GABRG1: variants seen among roughly 807,000 people sequenced by gnomAD.
GABRG1 encodes the protein gamma-aminobutyric acid type A receptor subunit gamma1.
GABRG1 carries 49 observed loss-of-function variants against 49.8 expected under a neutral mutation model. The ratio of observed to expected loss-of-function variants is 0.98; its 90% CI spans 0.78 to 1.25. GABRG1 has a LOEUF of 1.25. Ranked by LOEUF, GABRG1 falls within the 50% of genes most tolerant of loss-of-function variation. The pLI, the probability that GABRG1 is intolerant of heterozygous loss-of-function variation, is 0.00. For synonymous variants in GABRG1, 232 were observed against 185.1 expected, an observed-to-expected ratio of 1.25 and a Z score of -2.06; for missense variants, 552 against 552.3, an observed-to-expected ratio of 1.00 and a Z score of 0.01.
chr4:46,059,477 G>T (rs543669002), intron 5 of GABRG1, among the ~76,000 whole-genome samples: 1 of 151,588 alleles, frequency 6.6e-6, no homozygotes. Context: ...AATGTCTGCC[G>T]CCCAGGTTCA....
Position 46,097,312 on chromosome 4 carries a change from T to C in GABRG1, c.142A>G (p.Thr48Ala), listed in dbSNP as rs143037323. Residue 48 changes from threonine (T) to alanine (A), a missense_variant, in exon 2 of 9, where the codon ACG (threonine) becomes GCG (alanine). Thr to Ala is a moderately conservative substitution (Grantham distance 58). Coordinates refer to ENST00000295452, the MANE Select transcript of GABRG1 (RefSeq NM_173536.4). Reference protein sequence around the residue: ...KADDEDDEDLTVNKTWVLAPK... With the variant: ...KADDEDDEDLAVNKTWVLAPK... ...GCCAAGACCCAGGTTTTGTTCACCG[T>C]TAAATCCTCATCATCTTCATCATCT... is the stretch of plus-strand genomic sequence containing the variant. The C allele has an allele frequency of 2.5e-6, 4 of 1,610,144 alleles. No homozygotes were observed. Among genetic ancestry groups the C allele is most frequent in the African/African-American group, 2.7e-5 (2 of 74,692 alleles).
At chr4:46,053,634 T>C (rs1486663758) in intron 7 of GABRG1, among the ~76,000 whole-genome samples, 1 of 152,024 alleles carries the variant, frequency 6.6e-6, no homozygotes, top group Admixed American at 6.6e-5. Flanking sequence ...CCAAAGTGTT[T>C]CTTGGCTCCA....
Position 46,051,566 on chromosome 4 carries a change from A to C in GABRG1, c.989T>G (p.Val330Gly), listed in dbSNP as rs371168575. 5 of 1,611,656 alleles carry C rather than the reference A, an allele frequency of 3.1e-6. No individual in the cohort carries two copies. Among genetic ancestry groups the C allele is most frequent in the Non-Finnish European group, 4.2e-6 (5 of 1,178,586 alleles). ...ARKSLPKVSY[V>G]TAMDLFVSVC... Reference sequence around the variant, plus strand: ...AGAAACAAAGAGATCCATCGCAGTCACATAAGAAACCTTAGGTAAAGACTT... The same window carrying C: ...AGAAACAAAGAGATCCATCGCAGTCCCATAAGAAACCTTAGGTAAAGACTT... Residue 330 changes from valine to glycine, a missense_variant, in exon 8 of 9, where the codon GTG becomes GGG. Physicochemically the swap from Val to Gly is moderately radical, Grantham distance 109. Coordinates refer to ENST00000295452, the MANE Select transcript of GABRG1 (RefSeq NM_173536.4).
At chr4:46,118,313 T>C (rs1018092228) in intron 1 of GABRG1, among the ~76,000 whole-genome samples, 3 of 150,166 alleles carry the variant, frequency 2.0e-5, no homozygotes, top group Admixed American at 6.7e-5. Context: ...TATCTTTCCC[T>C]CATACTGACC....
In GABRG1 at chr4:46,065,701, T is replaced by C. The variant is rs550655812; in HGVS notation, c.322-117A>G. 1.1e-4 allele frequency: 67 copies of C among 604,660 alleles called. 1 individual carries two copies. The highest frequency in any genetic ancestry group is 3.4e-4 in the Admixed American group (11 of 32,110). 37.5% of individuals were successfully genotyped at this position (604,660 alleles called of 1,614,324 possible). ...GCAAGTAACAGTTAAACTCAGTCTT[T>C]TCGGAGGAAAAAAATGCCATTATTT... is the stretch of plus-strand genomic sequence containing the variant. On this transcript the variant is annotated intron_variant, in intron 3 of 8. Transcript: ENST00000295452.
At chr4:46,111,491 A>T (rs1358311477) in intron 1 of GABRG1, among the ~76,000 whole-genome samples, 1 of 151,380 alleles carries the variant, frequency 6.6e-6, no homozygotes, top group African/African-American at 2.4e-5. Flanking sequence ...AGGAAAAACT[A>T]TTCTAAAATT....
intron 1 of GABRG1, among the ~76,000 whole-genome samples, chr4:46,114,547 T>G (rs544789679): frequency 6.6e-6 from 1 of 150,966 alleles, no homozygotes; most frequent in Non-Finnish European, 1.5e-5. Flanking sequence ...TATTTAGGTA[T>G]TTAAATACCT....
chr4:46,042,377 G>A (rs1717819689), intron 8 of GABRG1, among the ~76,000 whole-genome samples: 1 of 151,886 alleles, frequency 6.6e-6, no homozygotes, highest in African/African-American at 2.4e-5. Context: ...TAAAAGATGA[G>A]TATTTCAACT....
Position 46,117,582 on chromosome 4 carries a change from G to C in GABRG1, c.104+6228C>G, listed in dbSNP as rs201104827. Among the ~76,000 whole-genome samples the C allele has an allele frequency of 9.4e-4, 101 of 107,518 alleles. 1 individual carries two copies. Among genetic ancestry groups the C allele is most frequent in the African/African-American group, 3.9e-3 (79 of 20,468 alleles). The allele number at this position is 107,518 out of a possible 152,430, so 70.5% of individuals were successfully genotyped here. On this transcript the variant is annotated intron_variant, in intron 1 of 8. Transcript: ENST00000295452. ...TCTCTCTCTCTCTCTCTCTCTCTCTGTCTCTCTTTGTCTCTCTCTCTCTCT... is the reference window on the plus strand; with the variant it reads ...TCTCTCTCTCTCTCTCTCTCTCTCTCTCTCTCTTTGTCTCTCTCTCTCTCT...
chr4:46,099,864 A>G (rs1671279322), intron 1 of GABRG1, among the ~76,000 whole-genome samples: 1 of 151,694 alleles, frequency 6.6e-6, no homozygotes. Context: ...GAAGTGGATT[A>G]ACTTGACCAA....
intron 2 of GABRG1, among the ~76,000 whole-genome samples, chr4:46,090,329 T>C (rs1719932864): frequency 6.6e-6 from 1 of 152,030 alleles, no homozygotes; most frequent in Non-Finnish European, 1.5e-5. Flanking sequence ...TGATCTGAAA[T>C]AAATGTACCT....
chr4:46,058,360 A>T lies in GABRG1; in HGVS notation c.773T>A (p.Val258Asp), dbSNP rs1718531665. The change falls in exon 7 of 9, where the codon GTT (valine) becomes GAT (aspartate). Residue 258 changes from valine to aspartate, a missense_variant. Transcript: ENST00000295452. Reference sequence around the variant, plus strand: ...CAGGTCAAAAAAAATTGTCATGATAACATAATCCCCTGTAAGAAAAAAAAG... The same window carrying T: ...CAGGTCAAAAAAAATTGTCATGATATCATAATCCCCTGTAAGAAAAAAAAG... ...EITHTISGDY[V>D]IMTIFFDLSR... 3 of 1,609,126 alleles carry T rather than the reference A, an allele frequency of 1.9e-6. No individual in the cohort carries two copies. Among genetic ancestry groups the T allele is most frequent in the Non-Finnish European group, 2.5e-6 (3 of 1,178,202 alleles).
Position 46,060,564 on chromosome 4 carries a change from C to T in GABRG1, c.626-1942G>A, listed in dbSNP as rs563001480. Among the ~76,000 whole-genome samples the T allele has an allele frequency of 3.3e-5, 5 of 151,968 alleles. No homozygotes were observed. In the South Asian group the frequency reaches 8.3e-4, roughly 25 times the overall value. On this transcript the variant is annotated intron_variant, in intron 5 of 8. Coordinates refer to ENST00000295452, the MANE Select transcript of GABRG1 (RefSeq NM_173536.4). ...ATGGTATAAAATTTTTGTTTTCAAC[C>T]GAAAGATTGGTAGCACATTACATAA...
intron 2 of GABRG1, among the ~76,000 whole-genome samples, chr4:46,085,068 C>T (rs1381473821): frequency 6.6e-6 from 1 of 151,412 alleles, no homozygotes; most frequent in South Asian, 2.1e-4. Context: ...AACAATATAC[C>T]ATTCTTATAT....
intron 5 of GABRG1, among the ~76,000 whole-genome samples, chr4:46,062,456 T>C (rs1263566943): frequency 1.3e-5 from 2 of 152,136 alleles, no homozygotes; most frequent in Non-Finnish European, 2.9e-5. Context: ...GCCACACTGA[T>C]TTCCACAATG....
At chr4:46,046,041 T>A (rs17536106) in intron 8 of GABRG1, among the ~76,000 whole-genome samples, 1 of 151,998 alleles carries the variant, frequency 6.6e-6, no homozygotes, top group Admixed American at 6.6e-5. Context: ...ATGGTTACAA[T>A]GTAGTTGATT....
chr4:46,107,737 C>T (rs1720598444), intron 1 of GABRG1, among the ~76,000 whole-genome samples: 1 of 150,752 alleles, frequency 6.6e-6, no homozygotes, highest in East Asian at 2.0e-4. Flanking sequence ...CTTGTTGTTA[C>T]TCTACAACAA....
At chr4:46,061,720 A>G (rs1368492029) in intron 5 of GABRG1, among the ~76,000 whole-genome samples, 1 of 151,820 alleles carries the variant, frequency 6.6e-6, no homozygotes, top group African/African-American at 2.4e-5. Flanking sequence ...GATATTATAC[A>G]GTAGGAAAGT....
chr4:46,070,865 T>C (rs1719091564), intron 3 of GABRG1, among the ~76,000 whole-genome samples: 1 of 151,996 alleles, frequency 6.6e-6, no homozygotes, highest in African/African-American at 2.4e-5. Flanking sequence ...CCAACTACAT[T>C]ATAGAGGGTA....
Sources: gnomAD v4.1 joint callset for allele counts (sites outside exome capture counted in the v4.1 genomes callset) on GRCh38, gnomAD v4.1.1 for gene constraint, MANE v1.5 for transcripts, NCBI Gene and HGNC (gene_info 2026-07-23, HGNC 2026-07-21) for gene names.